TMEM87A: variants seen among roughly 807,000 people sequenced by gnomAD.
TMEM87A encodes transmembrane protein 87A.
TMEM87A carries 50 observed loss-of-function variants against 90.0 expected under a neutral mutation model. The observed-to-expected ratio is 0.56, with a 90% CI of 0.44 to 0.70. TMEM87A has a LOEUF of 0.70. TMEM87A is among the 30% of genes least tolerant of loss of function. TMEM87A has a pLI of 0.00. For synonymous variants in TMEM87A, 226 were observed against 226.7 expected (o/e 1.00, Z 0.03); for missense variants, 577 against 660.5 (o/e 0.87, Z 1.39).
chr15:42,225,685 C>A (rs948077293), intron 15 of TMEM87A, among the ~76,000 whole-genome samples: 2 of 152,042 alleles, frequency 1.3e-5, no homozygotes, highest in African/African-American at 2.4e-5. Context: ...GTGTGCACTG[C>A]CATGCTCGGT....
intron 19 of TMEM87A, among the ~76,000 whole-genome samples, chr15:42,215,050 A>C (rs1380117581): frequency 2.6e-5 from 4 of 152,252 alleles, no homozygotes; most frequent in Non-Finnish European, 4.4e-5. Context: ...TAGATGTTAT[A>C]TAGCCTACTA....
At chr15:42,267,891 C>A in intron 3 of TMEM87A, 56 bp downstream of exon 3, 1 of 1,405,798 alleles carries the variant, frequency 7.1e-7, no homozygotes. Flanking sequence ...AATTAAGAGA[C>A]TGGAACCAGA....
chr15:42,245,111 C>T (rs2050947909), intron 6 of TMEM87A, among the ~76,000 whole-genome samples: 2 of 152,076 alleles, frequency 1.3e-5, no homozygotes, highest in Non-Finnish European at 2.9e-5. Context: ...AAACAATTCT[C>T]CAGATATCCA....
At position 42,212,143 on chromosome 15, in the gene TMEM87A, T is replaced by C. The variant is rs1318647725; in HGVS notation, c.1627-394A>G. Among the ~76,000 whole-genome samples the C allele has an allele frequency of 3.3e-5, 5 of 152,204 alleles. No homozygotes were observed. The East Asian group carries it at 9.6e-4, about 29-fold the overall frequency. ...TGCACCTAGTTAGCACTTTGCACTT[T>C]AGAATGGTTAGGAGGGTTGATTTGT... On this transcript the variant is annotated intron_variant, in intron 19 of 19. Transcript: ENST00000389834.
chr15:42,246,730 T>C (rs1033993555), intron 6 of TMEM87A, among the ~76,000 whole-genome samples: 5 of 152,230 alleles, frequency 3.3e-5, no homozygotes. Flanking sequence ...TCTTTGCTAT[T>C]GCGAACAGTG....
intron 12 of TMEM87A, among the ~76,000 whole-genome samples, chr15:42,229,685 A>G (rs537916229): frequency 6.6e-6 from 1 of 152,290 alleles, no homozygotes; most frequent in South Asian, 2.1e-4. Flanking sequence ...AGAGGACCTT[A>G]CAATTGGTTG....
intron 19 of TMEM87A, among the ~76,000 whole-genome samples, chr15:42,214,124 C>T (rs2050341333): frequency 6.6e-6 from 1 of 150,726 alleles, no homozygotes; most frequent in South Asian, 2.1e-4. Flanking sequence ...ATAGAAAATC[C>T]GGGGGGGGAA....
At chr15:42,218,212 T>A in intron 18 of TMEM87A, 111 bp downstream of exon 18, 5 of 1,067,658 alleles carry the variant, frequency 4.7e-6, no homozygotes, top group Non-Finnish European at 5.5e-6. Flanking sequence ...ATTCTTTTAA[T>A]TATTTTTCAG....
chr15:42,260,040 T>G (rs527304231), intron 6 of TMEM87A, among the ~76,000 whole-genome samples: 1 of 152,244 alleles, frequency 6.6e-6, no homozygotes, highest in South Asian at 2.1e-4. Flanking sequence ...AACTTGAGAA[T>G]ACTAAAAACC....
intron 7 of TMEM87A, among the ~76,000 whole-genome samples, chr15:42,241,133 T>C (rs1366074931): frequency 6.6e-6 from 1 of 152,192 alleles, no homozygotes; most frequent in Non-Finnish European, 1.5e-5. Flanking sequence ...AGAAAAAAAT[T>C]TGCTAGCCCC....
chr15:42,233,290 T>C lies in TMEM87A; in HGVS notation c.985A>G (p.Thr329Ala), dbSNP rs2050717183. Residue 329 changes from threonine to alanine, a missense_variant, in exon 11 of 20, where the codon ACT becomes GCT. Coordinates refer to ENST00000389834, the MANE Select transcript of TMEM87A (RefSeq NM_015497.5). ...CCTGCTACTACAACCTTATGAAGAG[T>C]GACTCCAAGGCGTGGCCTAAAGAGG... ...YGIVKPRLGV[T>A]LHKVVVAGAL... is the part of the protein sequence containing the mutation. 8.7e-6 allele frequency: 14 copies of C among 1,613,578 alleles called. No homozygotes were observed. The highest frequency in any genetic ancestry group is 1.2e-5 in the Non-Finnish European group (14 of 1,179,942).
intron 6 of TMEM87A, 84 bp downstream of exon 6, chr15:42,260,874 A>G: frequency 2.8e-6 from 4 of 1,413,574 alleles, no homozygotes; most frequent in Non-Finnish European, 2.0e-6. Context: ...ATATTAGCAT[A>G]GTATGGGAGA....
chr15:42,217,657 T>G, intron 19 of TMEM87A, 146 bp downstream of exon 19: 2 of 691,368 alleles, frequency 2.9e-6, no homozygotes, highest in Non-Finnish European at 4.8e-6. Context: ...CTATTAGTAT[T>G]TCTATTCTTA....
chr15:42,217,863 C>A, intron 18 of TMEM87A, 30 bp from the exon 19 acceptor site: 1 of 1,606,474 alleles, frequency 6.2e-7, no homozygotes, highest in Non-Finnish European at 8.5e-7. Context: ...CTAAATTGAA[C>A]AATGTAAAAT....
At chr15:42,273,192 T>C (rs114353354) in intron 1 of TMEM87A, 63 bp downstream of exon 1, 29 of 1,600,800 alleles carry the variant, frequency 1.8e-5, no homozygotes, top group Middle Eastern at 1.7e-4. Context: ...ATGGACCCCT[T>C]GGGCCGCCGT....
intron 7 of TMEM87A, among the ~76,000 whole-genome samples, chr15:42,240,504 G>C (rs1451216594): frequency 6.6e-6 from 1 of 152,156 alleles, no homozygotes; most frequent in Non-Finnish European, 1.5e-5. Flanking sequence ...TAATAACAAA[G>C]TGTTTAATGA....
chr15:42,260,330 T>C (rs969611022), intron 6 of TMEM87A, among the ~76,000 whole-genome samples: 1 of 152,192 alleles, frequency 6.6e-6, no homozygotes, highest in Non-Finnish European at 1.5e-5. Flanking sequence ...GCCATCTTCA[T>C]ACCACTGTTC....
At chr15:42,270,160 G>A (rs2051489832) in intron 2 of TMEM87A, among the ~76,000 whole-genome samples, 2 of 151,912 alleles carry the variant, frequency 1.3e-5, no homozygotes, top group African/African-American at 2.4e-5. Flanking sequence ...ACTTGAGGTC[G>A]GGAGTTCGAG....
Position 42,233,219 on chromosome 15 carries a change from A to C in TMEM87A, c.1056T>G (p.Val352=). 6.2e-7 allele frequency: 1 copy of C among 1,613,204 alleles called. No individual in the cohort carries two copies. The highest frequency in any genetic ancestry group is 8.5e-7 in the Non-Finnish European group (1 of 1,179,220). Residue 352 remains valine (V), a synonymous_variant, in exon 11 of 20, where the codon GTT becomes GTG. Coordinates refer to ENST00000389834, the MANE Select transcript of TMEM87A (RefSeq NM_015497.5). ...LFSGMEGVLR[V]TGAQTDLASL... is the part of the protein sequence containing the mutation. ...GAGATTAAGCAGTACTAACCCCAGT[A>C]ACTCTGAGGACCCCTTCCATGCCAG...
Sources: gnomAD v4.1 joint callset for allele counts (sites outside exome capture counted in the v4.1 genomes callset) on GRCh38, gnomAD v4.1.1 for gene constraint, MANE v1.5 for transcripts, NCBI Gene and HGNC (gene_info 2026-07-23, HGNC 2026-07-21) for gene names.